Variants in LYN observed in about 807,000 individuals in gnomAD.
LYN encodes tyrosine-protein kinase Lyn.
A neutral mutation model predicts 65.0 loss-of-function variants in LYN; 12 were observed. That is an observed-to-expected ratio of 0.18 (90% CI 0.12 to 0.30). The LOEUF (loss-of-function observed/expected upper bound fraction) is 0.30. Among genes scored for constraint, LYN ranks in the 10% least tolerant of loss-of-function variants. The pLI is 1.00. For synonymous variants in LYN, 222 were observed against 221.2 expected, an observed-to-expected ratio of 1.00 and a Z score of -0.03; for missense variants, 380 against 623.2, an observed-to-expected ratio of 0.61 and a Z score of 4.16.
chr8:55,899,888 G>T (rs549055040), intron 1 of LYN, among the ~76,000 whole-genome samples: 4 of 152,072 alleles, frequency 2.6e-5, no homozygotes, highest in African/African-American at 9.7e-5. Context: ...CAATCCACCC[G>T]CCTCGGCCTC....
chr8:55,900,123 A>G (rs1805219206), intron 1 of LYN, among the ~76,000 whole-genome samples: 1 of 152,218 alleles, frequency 6.6e-6, no homozygotes. Context: ...AAAACCAGTC[A>G]GCAAGGCCAA....
intron 8 of LYN, among the ~76,000 whole-genome samples, chr8:55,964,572 A>C: frequency 6.6e-6 from 1 of 152,220 alleles, no homozygotes; most frequent in Admixed American, 6.5e-5. Flanking sequence ...CATTTTTTAA[A>C]AAGTACATAC....
intron 1 of LYN, among the ~76,000 whole-genome samples, chr8:55,928,707 T>C (rs977954258): frequency 3.3e-5 from 5 of 152,214 alleles, no homozygotes; most frequent in Admixed American, 3.3e-4. Flanking sequence ...TAAGAAAGTG[T>C]CTTTCACAGA....
intron 8 of LYN, among the ~76,000 whole-genome samples, chr8:55,957,534 C>T (rs1807156472): frequency 6.6e-6 from 1 of 152,184 alleles, no homozygotes; most frequent in Non-Finnish European, 1.5e-5. Context: ...AGCTGTGAAG[C>T]CAGGATAAAG....
intron 1 of LYN, among the ~76,000 whole-genome samples, chr8:55,937,329 C>T (rs77035567): frequency 0.047 from 7,179 of 152,044 alleles, 175 homozygotes; most frequent in African/African-American, 0.071. Context: ...TGGCAAAAAC[C>T]GCAATTACTT....
intron 10 of LYN, among the ~76,000 whole-genome samples, chr8:55,988,339 A>G (rs1192771462): frequency 1.6e-5 from 2 of 128,708 alleles, no homozygotes; most frequent in Non-Finnish European, 3.2e-5. Flanking sequence ...TTTACATCCT[A>G]TTTTTTTGTT....
chr8:55,892,753 G>A (rs532992483), intron 1 of LYN, among the ~76,000 whole-genome samples: 2 of 152,204 alleles, frequency 1.3e-5, no homozygotes, highest in South Asian at 4.1e-4. Context: ...AGGATTCGAG[G>A]GAATTTTTTA....
chr8:55,908,924 T>G (rs1191185051), intron 1 of LYN, among the ~76,000 whole-genome samples: 7 of 150,134 alleles, frequency 4.7e-5, no homozygotes, highest in Non-Finnish European at 4.4e-5. Flanking sequence ...ATTTTATTCT[T>G]TTTTATGGCT....
At chr8:55,942,395 G>GTATATATATGTGTATATATATATGTATA (rs35946646) in intron 2 of LYN, among the ~76,000 whole-genome samples, 1 of 130,684 alleles carries the variant, frequency 7.7e-6, no homozygotes, top group Non-Finnish European at 1.6e-5. Context: ...ATATATATGT[G>GTATATATATGTGTATATATATATGTATA]TATATATGTG....
chr8:55,976,326 C>CAAA (rs35717306), intron 10 of LYN, among the ~76,000 whole-genome samples: 24 of 85,642 alleles, frequency 2.8e-4, no homozygotes, highest in African/African-American at 9.2e-4. Context: ...GACTCCATCT[C>CAAA]AAAAAAAAAA....
intron 1 of LYN, among the ~76,000 whole-genome samples, chr8:55,899,179 A>G (rs1345007699): frequency 6.6e-6 from 1 of 152,206 alleles, no homozygotes. Context: ...AAATATAGTA[A>G]GAATAGCAAT....
chr8:55,913,797 T>G (rs1223680783), intron 1 of LYN, among the ~76,000 whole-genome samples: 1 of 152,106 alleles, frequency 6.6e-6, no homozygotes, highest in East Asian at 1.9e-4. Flanking sequence ...ATTTGAAACA[T>G]GAAGGAGGCT....
At chr8:55,993,490 G>T (rs1808300319) in intron 10 of LYN, among the ~76,000 whole-genome samples, 1 of 152,196 alleles carries the variant, frequency 6.6e-6, no homozygotes, top group Non-Finnish European at 1.5e-5. Context: ...CTGACATTCT[G>T]GAGTGTGGTG....
At chr8:55,888,010 A>C (rs1180567516) in intron 1 of LYN, among the ~76,000 whole-genome samples, 6 of 152,220 alleles carry the variant, frequency 3.9e-5, no homozygotes, top group Non-Finnish European at 8.8e-5. Context: ...TTGGAGCTAG[A>C]GTGACTTGAA....
chr8:55,930,706 G>T (rs1806241318), intron 1 of LYN, among the ~76,000 whole-genome samples: 1 of 152,222 alleles, frequency 6.6e-6, no homozygotes, highest in South Asian at 2.1e-4. Flanking sequence ...GATGCGGCAC[G>T]TGGTGGAGGC....
In LYN at chr8:55,946,483, T is replaced by C. The variant is rs1324899374; in HGVS notation, c.168T>C (p.Phe56=). 1 of 1,608,522 alleles carries C rather than the reference T, an allele frequency of 6.2e-7. No homozygotes were observed. Among genetic ancestry groups the C allele is most frequent in the East Asian group, 2.2e-5 (1 of 44,864 alleles). The change falls in exon 3 of 13, where the codon TTT becomes TTC. Residue 56 remains phenylalanine, a synonymous_variant. Coordinates refer to ENST00000519728, the MANE Select transcript of LYN (RefSeq NM_002350.4). ...CTCAGCTTTTACCTGGACAGAGGTTTCAAACTAAAGGTATGTTTTCATAGC... is the reference window on the plus strand; with the variant it reads ...CTCAGCTTTTACCTGGACAGAGGTTCCAAACTAAAGGTATGTTTTCATAGC... The part of the protein sequence containing the change: ...PESQLLPGQR[F]QTKDPEEQGD...
chr8:55,903,282 C>T (rs1324754373), intron 1 of LYN, among the ~76,000 whole-genome samples: 3 of 152,190 alleles, frequency 2.0e-5, no homozygotes, highest in Non-Finnish European at 2.9e-5. Flanking sequence ...CGTGAGCCAC[C>T]GTGCTGGGCC....
intron 1 of LYN, among the ~76,000 whole-genome samples, chr8:55,898,249 G>A (rs1220685547): frequency 6.6e-6 from 1 of 152,040 alleles, no homozygotes; most frequent in African/African-American, 2.4e-5. Context: ...CATACTGTAT[G>A]TGATCGTTTT....
At position 55,904,296 on chromosome 8, in the gene LYN, G is replaced by A. The variant is rs61446372; in HGVS notation, c.-6+24193G>A. ...CAGGAGTAAGTAACTCAATTATTTG[G>A]CTGTCGGGTTGATGGAATGAAAATA... On this transcript the variant is annotated intron_variant, in intron 1 of 12. Transcript: ENST00000519728. Among the ~76,000 whole-genome samples the A allele has an allele frequency of 8.5e-4, 129 of 152,250 alleles. 3 individuals carry two copies. In the East Asian group the frequency reaches 0.022, roughly 26 times the overall value.
Sources: allele counts gnomAD v4.1 joint callset (sites outside exome capture counted in the v4.1 genomes callset), GRCh38; gene constraint gnomAD v4.1.1; transcripts MANE v1.5; gene names NCBI Gene and HGNC (gene_info 2026-07-23, HGNC 2026-07-21).